The following SMS variants were observed in gnomAD, a reference collection of about 807,000 sequenced individuals.
SMS encodes spermine synthase.
SMS carries 3 observed loss-of-function variants against 33.0 expected under a neutral mutation model. The ratio of observed to expected loss-of-function variants is 0.09; its 90% CI spans 0.04 to 0.23. The LOEUF (loss-of-function observed/expected upper bound fraction) is 0.23, where lower values mean the gene tolerates loss of function less well. Among genes scored for constraint, SMS ranks in the 10% least tolerant of loss-of-function variants. SMS has a pLI of 1.00. For synonymous variants in SMS, 103 were observed against 112.2 expected (o/e 0.92, Z 0.52); for missense variants, 117 against 288.6 (o/e 0.41, Z 4.31).
At chrX:21,992,788 T>C in intron 10 of SMS, 76 bp downstream of exon 10, 1 of 591,451 alleles carries the variant, frequency 1.7e-6, no homozygotes, top group Non-Finnish European at 2.9e-6. Flanking sequence ...AAAATTTAAA[T>C]CACAATAATA....
chrX:21,984,331 C>T lies in SMS; in HGVS notation c.778C>T (p.Leu260=). Residue 260 remains leucine (L), a synonymous_variant, in exon 8 of 11, where the codon CTG becomes TTG. Coordinates refer to ENST00000404933, the MANE Select transcript of SMS (RefSeq NM_004595.5). ...TCTAATAGAAGACTGTATCCCGGTACTGAAGAGGTACGCCAAAGAAGGGAG... is the reference window on the plus strand; with the variant it reads ...TCTAATAGAAGACTGTATCCCGGTATTGAAGAGGTACGCCAAAGAAGGGAG... ...QVLIEDCIPV[L]KRYAKEGREF... The T allele has an allele frequency of 4.2e-6, 5 of 1,186,675 alleles. No homozygotes were observed. Among genetic ancestry groups the T allele is most frequent in the Non-Finnish European group, 5.7e-6 (5 of 872,768 alleles).
At chrX:21,954,230 G>C (rs987168433) in intron 1 of SMS, among the ~76,000 whole-genome samples, 1 of 111,604 alleles carries the variant, frequency 9.0e-6, no homozygotes, top group African/African-American at 3.3e-5. Context: ...TGCTCATCTG[G>C]CCTGTTTTTG....
Position 21,978,946 on chromosome X carries a change from C to A in SMS, c.730C>A (p.Leu244Ile), listed in dbSNP as rs754524227. ...RKTCGDVLDN[L>I]KGDCYQVLIE... ...AACGTGTGGCGATGTCTTAGACAAT[C>A]TTAAAGGAGACTGCTATCAGGTAAT... Residue 244 changes from leucine to isoleucine, a missense_variant, in exon 7 of 11, where the codon CTT becomes ATT. Coordinates refer to ENST00000404933, the MANE Select transcript of SMS (RefSeq NM_004595.5). 8.4e-7 allele frequency: 1 copy of A among 1,184,607 alleles called. No homozygotes were observed. The highest frequency in any genetic ancestry group is 1.8e-5 in the South Asian group (1 of 56,385).
intron 4 of SMS, among the ~76,000 whole-genome samples, chrX:21,974,791 A>G (rs781214968): frequency 2.7e-5 from 3 of 110,023 alleles, no homozygotes; most frequent in Non-Finnish European, 3.8e-5. Context: ...GACGACAGCT[A>G]GAAATTGGGT....
intron 1 of SMS, among the ~76,000 whole-genome samples, chrX:21,942,829 CTTTTT>C (rs772851812): frequency 2.4e-5 from 2 of 81,890 alleles, no homozygotes; most frequent in African/African-American, 5.2e-5. Flanking sequence ...ATTTTCTTAA[CTTTTT>C]TTTTTTTTTT....
chrX:21,977,799 A>C (rs1218327076), intron 5 of SMS, among the ~76,000 whole-genome samples, 161 bp from the exon 6 acceptor site: 3 of 112,435 alleles, frequency 2.7e-5, no homozygotes, highest in African/African-American at 9.7e-5. Flanking sequence ...TTGATGAAAA[A>C]GTCCTCAATG....
At chrX:21,990,697 C>G (rs1216713567) in intron 9 of SMS, among the ~76,000 whole-genome samples, 1 of 112,543 alleles carries the variant, frequency 8.9e-6, no homozygotes, top group African/African-American at 3.2e-5. Flanking sequence ...CATATAACCT[C>G]TATAAAGAGA....
At chrX:21,949,254 T>C (rs1166375163) in intron 1 of SMS, among the ~76,000 whole-genome samples, 1 of 112,324 alleles carries the variant, frequency 8.9e-6, no homozygotes, top group Non-Finnish European at 1.9e-5. Flanking sequence ...GTGCTAATGA[T>C]ACTAAAATCC....
intron 1 of SMS, among the ~76,000 whole-genome samples, chrX:21,952,553 C>T (rs1394959388): frequency 9.1e-6 from 1 of 109,368 alleles, no homozygotes; most frequent in African/African-American, 3.3e-5. Context: ...TGTCTATACT[C>T]ATGAGGGATA....
chrX:21,967,101 T>C (rs1430751471), intron 1 of SMS, 95 bp from the exon 2 acceptor site: 1 of 520,652 alleles, frequency 1.9e-6, no homozygotes, highest in South Asian at 5.0e-5. Context: ...TACTTATTTA[T>C]TTATTTTTAA....
intron 1 of SMS, among the ~76,000 whole-genome samples, chrX:21,963,169 T>C (rs142267894): frequency 2.7e-5 from 3 of 112,262 alleles, no homozygotes; most frequent in African/African-American, 9.7e-5. Context: ...AGCCCTGATT[T>C]GGAAAGAGAT....
In SMS at chrX:21,945,577, A is replaced by G. The variant is rs141486062; in HGVS notation, c.49+4704A>G. 4.0e-3 allele frequency among the ~76,000 whole-genome samples: 433 copies of G among 108,754 alleles called. 5 individuals carry two copies. Among genetic ancestry groups the G allele is most frequent in the African/African-American group, 0.014 (404 of 29,690 alleles). 94.4% of individuals were successfully genotyped at this position (108,754 alleles called of 115,157 possible). ...AATTTTAGATGCGTGAAATAACCCA[A>G]TCTTCAAAATACAAAACCCCCACCG... On this transcript the variant is annotated intron_variant, in intron 1 of 10. Transcript: ENST00000404933.
intron 7 of SMS, among the ~76,000 whole-genome samples, chrX:21,983,388 C>A (rs1271078915): frequency 1.2e-5 from 1 of 82,805 alleles, no homozygotes; most frequent in African/African-American, 4.0e-5. Flanking sequence ...TTTAATTTTT[C>A]TTTTACTTAA....
In SMS at chrX:21,972,424, C is replaced by T. The variant is rs757410098; in HGVS notation, c.265-83C>T. 76 of 625,894 alleles carry T rather than the reference C, an allele frequency of 1.2e-4. No individual in the cohort carries two copies. In the East Asian group the frequency reaches 2.7e-3, roughly 22 times the overall value. The allele number at this position is 625,894 out of a possible 1,213,427, so 51.6% of individuals were successfully genotyped here. ...GGTCAATCTTGCACAGCTCTGTCAACATGGCCTCAGTCGTTGGGTCTGTAA... is the reference window on the plus strand; with the variant it reads ...GGTCAATCTTGCACAGCTCTGTCAATATGGCCTCAGTCGTTGGGTCTGTAA... On this transcript the variant is annotated intron_variant, in intron 3 of 10. Coordinates refer to ENST00000404933, the MANE Select transcript of SMS (RefSeq NM_004595.5).
At chrX:21,947,184 C>G (rs1407460085) in intron 1 of SMS, among the ~76,000 whole-genome samples, 2 of 112,131 alleles carry the variant, frequency 1.8e-5, no homozygotes, top group African/African-American at 6.5e-5. Context: ...GTAGAGAAAG[C>G]TTCCTTCCTC....
At chrX:21,941,884 CAAAAAAAAAAAAAAAAAAAAAAAAAA>C (rs760394146) in intron 1 of SMS, among the ~76,000 whole-genome samples, 6 of 19,569 alleles carry the variant, frequency 3.1e-4, no homozygotes, top group South Asian at 5.0e-3. Context: ...GACCCTGTCT[CAAAAAAAAAAAAAAAAAAAAAAAAAA>C]AAAAAAAAAA....
At chrX:21,944,605 G>A (rs770945605) in intron 1 of SMS, among the ~76,000 whole-genome samples, 2 of 108,873 alleles carry the variant, frequency 1.8e-5, no homozygotes, top group South Asian at 8.0e-4. Context: ...CTAGTTGGGA[G>A]GCTGAGGCGG....
rs1921684136 is a variant in SMS, at chrX:21,940,724, G to T, written c.-101G>T. Reference sequence around the variant, plus strand: ...CCCACCTCCTAGTCCTGGCCTCCCCGGGCGCAGCACACTCCCAGCCGGCCG... The same window carrying T: ...CCCACCTCCTAGTCCTGGCCTCCCCTGGCGCAGCACACTCCCAGCCGGCCG... On this transcript the variant is annotated 5_prime_UTR_variant, in exon 1 of 11. Transcript: ENST00000404933. The T allele has an allele frequency of 1.4e-5, 9 of 652,138 alleles. No individual in the cohort carries two copies. The highest frequency in any genetic ancestry group is 2.5e-5 in the South Asian group (1 of 40,551). The allele number at this position is 652,138 out of a possible 1,213,427, so 53.7% of individuals were successfully genotyped here. A position where few individuals can be genotyped will look rare whatever the true frequency, so the allele number is the denominator to read the frequency against.
At chrX:21,963,698 A>C (rs1474581671) in intron 1 of SMS, among the ~76,000 whole-genome samples, 2 of 111,603 alleles carry the variant, frequency 1.8e-5, no homozygotes, top group South Asian at 7.6e-4. Context: ...GGTTCACCCC[A>C]GCTCAGCCAC....
Sources: gnomAD v4.1 joint callset for allele counts (sites outside exome capture counted in the v4.1 genomes callset) on GRCh38, gnomAD v4.1.1 for gene constraint, MANE v1.5 for transcripts, NCBI Gene and HGNC (gene_info 2026-07-23, HGNC 2026-07-21) for gene names.